Variants in UBOX5 observed in about 807,000 individuals in gnomAD.
The protein encoded by UBOX5 is U-box domain containing 5, also known as RING finger protein 37.
In UBOX5, 28 loss-of-function variants were observed where a neutral mutation model predicts 39.0. The ratio of observed to expected loss-of-function variants is 0.72; its 90% CI spans 0.53 to 0.98. The LOEUF is 0.98. Among genes scored for constraint, UBOX5 ranks in the 50% least tolerant of loss-of-function variants. UBOX5 has a pLI of 0.00. For missense variants in UBOX5, 585 were observed against 674.4 expected, an observed-to-expected ratio of 0.87 and a Z score of 1.47; for synonymous variants, 283 against 275.5, an observed-to-expected ratio of 1.03 and a Z score of -0.27.
At chr20:3,136,320 A>G (rs1461609111) in intron 1 of UBOX5, among the ~76,000 whole-genome samples, 2 of 151,284 alleles carry the variant, frequency 1.3e-5, no homozygotes, top group African/African-American at 2.4e-5. Context: ...TCTCACAAGG[A>G]TTTCAAAGCT....
intron 1 of UBOX5, among the ~76,000 whole-genome samples, chr20:3,145,163 T>A (rs2066549502): frequency 6.6e-6 from 1 of 151,876 alleles, no homozygotes; most frequent in Non-Finnish European, 1.5e-5. Context: ...TGAGAGCCTT[T>A]TTTTTTTTTG....
At chr20:3,123,569 G>A (rs1469274052) in intron 1 of UBOX5, among the ~76,000 whole-genome samples, 163 bp from the exon 2 acceptor site, 1 of 152,116 alleles carries the variant, frequency 6.6e-6, no homozygotes, top group Non-Finnish European at 1.5e-5. Context: ...ATGATGTTGG[G>A]GAAAAATTAG....
chr20:3,146,123 C>T (rs917419008), intron 1 of UBOX5, among the ~76,000 whole-genome samples: 2 of 151,762 alleles, frequency 1.3e-5, no homozygotes, highest in Admixed American at 6.6e-5. Context: ...GGCGGATCAC[C>T]GGAAGTCAGG....
chr20:3,121,839 A>G lies in UBOX5; in HGVS notation c.800T>C (p.Ile267Thr), dbSNP rs762107437. ...QDVPEEFLDPITLEIMPCPML... is the reference protein window; with the variant it reads ...QDVPEEFLDPTTLEIMPCPML... ...GGGACAAGGCATGATCTCCAGGGTG[A>G]TGGGATCCAGGAACTCCTCAGGCAC... Residue 267 changes from isoleucine (I) to threonine (T), a missense_variant, in exon 3 of 5, where the codon ATC becomes ACC. By Grantham distance (89) the Ile-to-Thr change is moderately conservative. Transcript: ENST00000217173. The G allele has an allele frequency of 1.2e-6, 2 of 1,614,052 alleles. No homozygotes were observed. The highest frequency in any genetic ancestry group is 4.5e-5 in the East Asian group (2 of 44,864).
chr20:3,119,919 C>T (rs1364071837), intron 3 of UBOX5, among the ~76,000 whole-genome samples: 1 of 152,110 alleles, frequency 6.6e-6, no homozygotes, highest in East Asian at 1.9e-4. Flanking sequence ...GAGGTATTCA[C>T]ACTGAACACA....
At chr20:3,147,467 G>A (rs1018246902) in intron 1 of UBOX5, 5 of 1,614,184 alleles carry the variant, frequency 3.1e-6, no homozygotes, top group Non-Finnish European at 4.2e-6. Context: ...CTGAAGGTGA[G>A]TACTAAGACG....
chr20:3,113,475 A>G (rs150279409), intron 4 of UBOX5, among the ~76,000 whole-genome samples: 1 of 152,226 alleles, frequency 6.6e-6, no homozygotes, highest in Non-Finnish European at 1.5e-5. Flanking sequence ...ATGGGCTGAC[A>G]TGATAAAAAG....
At chr20:3,131,422 T>G (rs535885525) in intron 1 of UBOX5, among the ~76,000 whole-genome samples, 247 of 152,338 alleles carry the variant, frequency 1.6e-3, no homozygotes, top group Non-Finnish European at 3.1e-3. Flanking sequence ...CATTAACACT[T>G]TTTTCTAATT....
At chr20:3,123,189 A>C in intron 2 of UBOX5, 123 bp downstream of exon 2, 1 of 993,834 alleles carries the variant, frequency 1.0e-6, no homozygotes. Context: ...ATCTGATGGA[A>C]TCTAAAGTAA....
intron 1 of UBOX5, among the ~76,000 whole-genome samples, chr20:3,138,793 G>A (rs1403643743): frequency 6.6e-6 from 1 of 152,132 alleles, no homozygotes; most frequent in Non-Finnish European, 1.5e-5. Flanking sequence ...AAGTGTGGAA[G>A]GATAATTTAG....
At chr20:3,144,347 T>C (rs947851033) in intron 1 of UBOX5, among the ~76,000 whole-genome samples, 1 of 152,212 alleles carries the variant, frequency 6.6e-6, no homozygotes, top group African/African-American at 2.4e-5. Context: ...GTATGGTCAA[T>C]TGATTTGACA....
In UBOX5 at chr20:3,110,407, T is replaced by A. The variant is rs80086747; in HGVS notation, c.1418-93A>T. 1,350 of 1,414,978 alleles carry A rather than the reference T, an allele frequency of 9.5e-4. 14 individuals carry two copies. In the East Asian group the frequency reaches 0.024, roughly 25 times the overall value. 87.7% of individuals were successfully genotyped at this position (1,414,978 alleles called of 1,614,324 possible). On this transcript the variant is annotated intron_variant, in intron 4 of 4. Transcript: ENST00000217173. ...GGGCAGAGCCTTCCCACCGTGCTGC[T>A]GCAGCATCTGGCTTCATCCCTCCCG...
intron 1 of UBOX5, chr20:3,135,859 G>A (rs1444497382): frequency 6.6e-6 from 1 of 152,118 alleles, no homozygotes; most frequent in Non-Finnish European, 1.5e-5. Context: ...CAGTAGGCTG[G>A]TTATGAAGTT....
At chr20:3,116,630 T>G (rs1324482800) in intron 3 of UBOX5, 1 of 152,208 alleles carries the variant, frequency 6.6e-6, no homozygotes, top group Non-Finnish European at 1.5e-5. Context: ...TCCACCCCAC[T>G]GCGCCTCAGA....
intron 1 of UBOX5, among the ~76,000 whole-genome samples, chr20:3,135,316 A>G (rs537995014): frequency 1.4e-4 from 22 of 152,160 alleles, no homozygotes; most frequent in Admixed American, 3.3e-4. Flanking sequence ...CACAGACTGT[A>G]GACTACAGGA....
chr20:3,108,841 A>T lies in UBOX5; in HGVS notation c.*1265T>A, dbSNP rs1491001119. 2 of 151,842 alleles carry T rather than the reference A, an allele frequency of 1.3e-5. No individual in the cohort carries two copies. The highest frequency in any genetic ancestry group is 2.9e-5 in the Non-Finnish European group (2 of 67,996). The allele number at this position is 151,842 out of a possible 1,614,324, so 9.4% of individuals were successfully genotyped here. A position where few individuals can be genotyped will look rare whatever the true frequency, so the allele number is the denominator to read the frequency against. On this transcript the variant is annotated 3_prime_UTR_variant, in exon 5 of 5. Transcript: ENST00000217173. ...CCTGCTACCTGGGAGGCTGAGGTAG[A>T]AGGATCCCTTAAGCCCAGGAGTTCG...
chr20:3,120,671 A>T (rs2066328347), intron 3 of UBOX5, among the ~76,000 whole-genome samples: 2 of 152,058 alleles, frequency 1.3e-5, no homozygotes, highest in African/African-American at 2.4e-5. Context: ...AGATTGTTGC[A>T]ATTTTACCTG....
rs2066240205 is a variant in UBOX5 at position 3,109,968 on chromosome 20, G to A, written c.*138C>T. ...CAGAAGCAATGTGCTATACCGTGAG[G>A]TGATGAAGAAGAGCCCCGGGAGGGA... On this transcript the variant is annotated 3_prime_UTR_variant, in exon 5 of 5. Coordinates refer to ENST00000217173, the MANE Select transcript of UBOX5 (RefSeq NM_014948.4). 2 of 955,462 alleles carry A rather than the reference G, an allele frequency of 2.1e-6. No individual in the cohort carries two copies. Among genetic ancestry groups the A allele is most frequent in the South Asian group, 3.0e-5 (2 of 66,954 alleles). 59.2% of individuals were successfully genotyped at this position (955,462 alleles called of 1,614,324 possible). A position where few individuals can be genotyped will look rare whatever the true frequency, so the allele number is the denominator to read the frequency against.
chr20:3,154,664 A>T (rs1355938320), intron 1 of UBOX5, among the ~76,000 whole-genome samples: 1 of 152,138 alleles, frequency 6.6e-6, no homozygotes, highest in Admixed American at 6.5e-5. Flanking sequence ...ACAGAGAGAG[A>T]CCCTATCTCA....
Sources: gnomAD v4.1 joint callset for allele counts (sites outside exome capture counted in the v4.1 genomes callset) on GRCh38, gnomAD v4.1.1 for gene constraint, MANE v1.5 for transcripts, NCBI Gene and HGNC (gene_info 2026-07-23, HGNC 2026-07-21) for gene names.